Variants in ZNF569 observed in about 807,000 individuals in gnomAD.
The protein encoded by ZNF569 is DNA-binding protein.
Under a neutral mutation model 56.3 loss-of-function variants are expected in ZNF569, and 38 were observed. That is an observed-to-expected ratio of 0.68 (90% CI 0.52 to 0.88). The LOEUF is 0.88. Among genes scored for constraint, ZNF569 ranks in the 40% least tolerant of loss-of-function variants. The probability of loss-of-function intolerance (pLI) is 0.00; values close to 1 mark genes in which losing one functional copy is unlikely to be tolerated. For synonymous variants in ZNF569, 241 were observed against 262.9 expected (o/e 0.92, Z 0.81); for missense variants, 666 against 809.2 (o/e 0.82, Z 2.15).
At position 37,413,879 on chromosome 19, in the gene ZNF569, T is replaced by A; in HGVS notation, c.779A>T (p.His260Leu). The A allele has an allele frequency of 6.2e-7, 1 of 1,613,508 alleles. No individual in the cohort carries two copies. The part of the protein sequence containing the change: ...AFIKMSNLIR[H>L]QRIHTGEKPY... ...CTTCTCTCCAGTATGAATTCTTTGA[T>A]GTCTAATGAGATTTGACATTTTAAT... is the stretch of plus-strand genomic sequence containing the variant. The change falls in exon 6 of 6, where the codon CAT (histidine) becomes CTT (leucine). Residue 260 changes from histidine to leucine, a missense_variant. By Grantham distance (99) the His-to-Leu change is moderately conservative. Transcript: ENST00000316950.
At chr19:37,459,049 T>C (rs2146971421) in intron 2 of ZNF569, among the ~76,000 whole-genome samples, 1 of 152,218 alleles carries the variant, frequency 6.6e-6, no homozygotes, top group African/African-American at 2.4e-5. Flanking sequence ...ATCCAAACCA[T>C]GGGACAATAT....
rs748160273 is a variant in ZNF569 at position 37,413,963 on chromosome 19, T to C, written c.695A>G (p.His232Arg). 6.2e-7 allele frequency: 1 copy of C among 1,613,566 alleles called. No individual in the cohort carries two copies. The highest frequency in any genetic ancestry group is 1.1e-5 in the South Asian group (1 of 91,074). The change falls in exon 6 of 6, where the codon CAT becomes CGT. Residue 232 changes from histidine (H) to arginine (R), a missense_variant. Coordinates refer to ENST00000316950, the MANE Select transcript of ZNF569 (RefSeq NM_152484.3). The stretch of plus-strand genomic sequence containing the variant: ...CTGCTCCCTACTGTGAATTTTATAA[T>C]GTTTAATAAGTTTTTCCTTGTGACT... ...AFSHKEKLIK[H>R]YKIHSREQSY...
At chr19:37,429,107 AT>A (rs2041184194) in intron 3 of ZNF569, among the ~76,000 whole-genome samples, 1 of 152,210 alleles carries the variant, frequency 6.6e-6, no homozygotes, top group Non-Finnish European at 1.5e-5. Flanking sequence ...TCCAATATTT[AT>A]TCTGTCTTCC....
In ZNF569 at chr19:37,426,237, G is replaced by GTAAAT; in HGVS notation, c.142+10_142+14dup. The GTAAAT allele has an allele frequency of 6.3e-7, 1 of 1,594,182 alleles. No homozygotes were observed. The highest frequency in any genetic ancestry group is 8.5e-7 in the Non-Finnish European group (1 of 1,174,080). ...TTCTTTCCAGAGTTTGAATTATATA[G>GTAAAT]TAAATTACTCTTACCTACTGTGATT... is the stretch of plus-strand genomic sequence containing the variant. On this transcript the variant is annotated intron_variant, in intron 4 of 5. Transcript: ENST00000316950.
intron 5 of ZNF569, among the ~76,000 whole-genome samples, chr19:37,425,301 G>T (rs1416978709): frequency 6.7e-6 from 1 of 149,436 alleles, no homozygotes; most frequent in East Asian, 2.0e-4. Flanking sequence ...ATAAGCGTAT[G>T]CCACCACACG....
intron 2 of ZNF569, among the ~76,000 whole-genome samples, chr19:37,445,253 A>G (rs2041473647): frequency 6.6e-6 from 1 of 152,218 alleles, no homozygotes; most frequent in African/African-American, 2.4e-5. Flanking sequence ...TATGAAACTG[A>G]CAAAACACCT....
intron 2 of ZNF569, among the ~76,000 whole-genome samples, chr19:37,459,348 A>G (rs2041722860): frequency 6.6e-6 from 1 of 152,118 alleles, no homozygotes; most frequent in Non-Finnish European, 1.5e-5. Context: ...CTATAAAACA[A>G]CACTGATAAA....
intron 5 of ZNF569, among the ~76,000 whole-genome samples, chr19:37,422,199 C>T (rs773343882): frequency 1.3e-5 from 2 of 152,104 alleles, no homozygotes; most frequent in Admixed American, 6.6e-5. Context: ...GAGAGATGTG[C>T]GACTCTTCCT....
chr19:37,412,411 G>C lies in ZNF569; in HGVS notation c.*186C>G. The C allele has an allele frequency of 1.9e-6, 2 of 1,061,608 alleles. No homozygotes were observed. The highest frequency in any genetic ancestry group is 3.5e-5 in the African/African-American group (2 of 56,464). The allele number at this position is 1,061,608 out of a possible 1,614,324, so 65.8% of individuals were successfully genotyped here. On this transcript the variant is annotated 3_prime_UTR_variant, in exon 6 of 6. Transcript: ENST00000316950. Reference sequence around the variant, plus strand: ...ATAAGATGTCTGCTGAAAGTTTCTGGTAACAGCTTTTTCATTATATAATTT... The same window carrying C: ...ATAAGATGTCTGCTGAAAGTTTCTGCTAACAGCTTTTTCATTATATAATTT...
Position 37,412,776 on chromosome 19 carries a change from G to A in ZNF569, c.1882C>T (p.His628Tyr). 1 of 1,614,018 alleles carries A rather than the reference G, an allele frequency of 6.2e-7. No individual in the cohort carries two copies. The highest frequency in any genetic ancestry group is 1.7e-5 in the Admixed American group (1 of 60,024). Residue 628 changes from histidine (H) to tyrosine (Y), a missense_variant, in exon 6 of 6, where the codon CAT becomes TAT. His to Tyr is a moderately conservative substitution (Grantham distance 83). Coordinates refer to ENST00000316950, the MANE Select transcript of ZNF569 (RefSeq NM_152484.3). ...SSSLTIHIRG[H>Y]TGEKPFDCSK... ...CAGTCGAAGGGTTTCTCACCTGTAT[G>A]TCCTCGTATATGTATAGTAAGGGAT...
chr19:37,435,886 T>C (rs1173958328), intron 3 of ZNF569, among the ~76,000 whole-genome samples: 5 of 152,256 alleles, frequency 3.3e-5, no homozygotes, highest in African/African-American at 1.2e-4. Flanking sequence ...ATAGACCCAA[T>C]AGAATAATTG....
At chr19:37,457,874 A>T (rs562088066) in intron 2 of ZNF569, among the ~76,000 whole-genome samples, 3 of 152,240 alleles carry the variant, frequency 2.0e-5, no homozygotes, top group African/African-American at 7.2e-5. Flanking sequence ...AAAATCTTAG[A>T]TATTTTTATA....
chr19:37,420,558 T>G (rs2041018210), intron 5 of ZNF569, among the ~76,000 whole-genome samples: 1 of 152,222 alleles, frequency 6.6e-6, no homozygotes, highest in Admixed American at 6.5e-5. Context: ...GAAGTAATCC[T>G]TATCCCTGCA....
upstream of ZNF569, chr19:37,469,042 CAGAGCGCTTGT>C (rs2047055680): frequency 3.0e-6 from 3 of 991,568 alleles, no homozygotes; most frequent in Non-Finnish European, 2.4e-6. Context: ...GGGAGGCGCG[CAGAGCGCTTGT>C]GCCTGCGCAC....
intron 5 of ZNF569, among the ~76,000 whole-genome samples, chr19:37,420,234 C>T (rs2041011022): frequency 6.6e-6 from 1 of 151,942 alleles, no homozygotes; most frequent in African/African-American, 2.4e-5. Context: ...GTGATCTGCC[C>T]ACCTCGGCCT....
At position 37,426,294 on chromosome 19, in the gene ZNF569, G is replaced by T. The variant is rs116491235; in HGVS notation, c.100C>A (p.Arg34=). The T allele has an allele frequency of 7.4e-6, 12 of 1,613,526 alleles. No individual in the cohort carries two copies. The East Asian group carries it at 2.2e-4, about 30-fold the overall frequency. Reference sequence around the variant, plus strand: ...TTATAGTTTTCTAGCATCACATTCCGGTACAGTTTTCTCTGAGCAGGATCC... The same window carrying T: ...TTATAGTTTTCTAGCATCACATTCCTGTACAGTTTTCTCTGAGCAGGATCC... The part of the protein sequence containing the change: ...RLDPAQRKLY[R]NVMLENYNNL... The change falls in exon 4 of 6, where the codon CGG becomes AGG. Residue 34 remains arginine (R), a synonymous_variant. Transcript: ENST00000316950.
At chr19:37,466,422 T>C (rs1026454121) in intron 1 of ZNF569, among the ~76,000 whole-genome samples, 26 of 152,042 alleles carry the variant, frequency 1.7e-4, no homozygotes, top group African/African-American at 6.3e-4. Context: ...CTGCGGTCAG[T>C]TGTTCGAGAC....
At chr19:37,437,169 G>A (rs924756584) in intron 3 of ZNF569, among the ~76,000 whole-genome samples, 2 of 152,054 alleles carry the variant, frequency 1.3e-5, no homozygotes, top group Non-Finnish European at 2.9e-5. Context: ...ATGCAAGGAC[G>A]GTTAAACATG....
chr19:37,427,870 A>C (rs1442031154), intron 3 of ZNF569: 1 of 503,370 alleles, frequency 2.0e-6, no homozygotes, highest in African/African-American at 1.9e-5. Context: ...CATGATGTGG[A>C]AATCTGGCCC....
Sources: gnomAD v4.1 joint callset for allele counts (sites outside exome capture counted in the v4.1 genomes callset) on GRCh38, gnomAD v4.1.1 for gene constraint, MANE v1.5 for transcripts, NCBI Gene and HGNC (gene_info 2026-07-23, HGNC 2026-07-21) for gene names.